The following CRTAC1 variants were observed in gnomAD, a reference collection of about 807,000 sequenced individuals.
The protein encoded by CRTAC1 is acidic secreted protein in cartilage.
A neutral mutation model predicts 67.8 loss-of-function variants in CRTAC1; 37 were observed. The ratio of observed to expected loss-of-function variants is 0.55; its 90% CI spans 0.42 to 0.72. The LOEUF (loss-of-function observed/expected upper bound fraction) is 0.72, where lower values mean the gene tolerates loss of function less well. Ranked by LOEUF, CRTAC1 falls within the 30% of genes least tolerant of loss-of-function variation. The pLI, the probability that CRTAC1 is intolerant of heterozygous loss-of-function variation, is 0.00. For missense variants in CRTAC1, 780 were observed against 931.6 expected, an observed-to-expected ratio of 0.84 and a Z score of 2.12; for synonymous variants, 348 against 371.0, an observed-to-expected ratio of 0.94 and a Z score of 0.71.
At chr10:98,005,471 A>G (rs1177872880) in intron 2 of CRTAC1, among the ~76,000 whole-genome samples, 1 of 152,026 alleles carries the variant, frequency 6.6e-6, no homozygotes, top group Non-Finnish European at 1.5e-5. Flanking sequence ...TTTTAAGATA[A>G]TATCAAAACT....
chr10:97,999,491 G>T (rs760745122), intron 2 of CRTAC1, among the ~76,000 whole-genome samples: 1 of 152,228 alleles, frequency 6.6e-6, no homozygotes, highest in Non-Finnish European at 1.5e-5. Flanking sequence ...GACTTTGGGT[G>T]CCAATGAGCA....
chr10:97,882,134 G>A (rs1321143800), intron 13 of CRTAC1, among the ~76,000 whole-genome samples: 1 of 152,234 alleles, frequency 6.6e-6, no homozygotes. Flanking sequence ...TGCTGGATGA[G>A]GGTTCAAGGA....
At chr10:97,945,807 T>C (rs1396761929) in intron 2 of CRTAC1, among the ~76,000 whole-genome samples, 8 of 152,322 alleles carry the variant, frequency 5.3e-5, no homozygotes, top group Admixed American at 6.5e-5. Flanking sequence ...AAGGGGCAGA[T>C]GGTTTTTCAA....
chr10:97,922,476 C>G (rs1055300367), intron 4 of CRTAC1, among the ~76,000 whole-genome samples: 4 of 152,194 alleles, frequency 2.6e-5, no homozygotes, highest in African/African-American at 9.7e-5. Context: ...AGCAGCTGGG[C>G]CCCTGATTTA....
At chr10:97,914,495 G>C (rs2050731512) in intron 5 of CRTAC1, among the ~76,000 whole-genome samples, 1 of 152,208 alleles carries the variant, frequency 6.6e-6, no homozygotes, top group East Asian at 1.9e-4. Context: ...CTGAGGCTGG[G>C]AGAATAGTTT....
chr10:97,879,854 T>C (rs879349861), intron 14 of CRTAC1: 8 of 207,400 alleles, frequency 3.9e-5, no homozygotes, highest in South Asian at 9.0e-5. Flanking sequence ...AGAAAGGGGG[T>C]GGGGACGGGG....
chr10:97,922,698 C>G (rs2136595463), intron 4 of CRTAC1, among the ~76,000 whole-genome samples: 1 of 152,350 alleles, frequency 6.6e-6, no homozygotes, highest in Non-Finnish European at 1.5e-5. Flanking sequence ...GGTGGGGCAC[C>G]TCTGTGTAGG....
chr10:97,865,750 C>G (rs1047629307), intron 14 of CRTAC1, 36 bp from the exon 15 acceptor site: 2 of 1,544,670 alleles, frequency 1.3e-6, no homozygotes, highest in Non-Finnish European at 1.7e-6. Flanking sequence ...GAGGGCCTTG[C>G]AGACCTGCGG....
chr10:97,880,257 G>A lies in CRTAC1; in HGVS notation c.1811C>T (p.Ala604Val). 1 of 1,614,172 alleles carries A rather than the reference G, an allele frequency of 6.2e-7. No individual in the cohort carries two copies. Among genetic ancestry groups the A allele is most frequent in the Non-Finnish European group, 8.5e-7 (1 of 1,180,010 alleles). Residue 604 changes from alanine (A) to valine (V), a missense_variant, in exon 14 of 15, where the codon GCC (alanine) becomes GTC (valine). Physicochemically the swap from Ala to Val is moderately conservative, Grantham distance 64. Coordinates refer to ENST00000370597, the MANE Select transcript of CRTAC1 (RefSeq NM_018058.7). ...GCTGGGGCCCCACTCACCCACGCAG[G>A]CTGTGCCATCCTCGTTGGGCTCGTA... is the stretch of plus-strand genomic sequence containing the variant. ...RGYEPNEDGT[A>V]CVGTLGQSPG...
chr10:97,995,924 G>T (rs1337526550), intron 2 of CRTAC1, among the ~76,000 whole-genome samples: 3 of 152,112 alleles, frequency 2.0e-5, no homozygotes, highest in Non-Finnish European at 4.4e-5. Flanking sequence ...ATTTTGGGGG[G>T]CTGAGGTGGG....
At chr10:97,963,838 C>T (rs1041711144) in intron 2 of CRTAC1, among the ~76,000 whole-genome samples, 1 of 152,120 alleles carries the variant, frequency 6.6e-6, no homozygotes, top group Non-Finnish European at 1.5e-5. Flanking sequence ...TAGGTCGTTG[C>T]CTTTTACAGA....
chr10:98,016,490 A>T (rs1437039764), intron 1 of CRTAC1, among the ~76,000 whole-genome samples: 1 of 152,078 alleles, frequency 6.6e-6, no homozygotes, highest in African/African-American at 2.4e-5. Context: ...ACAGATTCGG[A>T]TTTGGTAGGT....
In CRTAC1 at chr10:97,983,778, A is replaced by G. The variant is rs569302588; in HGVS notation, c.224+27360T>C. 7.2e-5 allele frequency among the ~76,000 whole-genome samples: 11 copies of G among 152,328 alleles called. No homozygotes were observed. In the South Asian group the frequency reaches 2.1e-3, roughly 29 times the overall value. On this transcript the variant is annotated intron_variant, in intron 2 of 14. Transcript: ENST00000370597. ...TGTGTGTGGGTGTGGCCGGGTGACC[A>G]TATCAAGATGCGGGTGAAGTAGGGT...
chr10:97,905,570 A>G (rs1039826016), intron 6 of CRTAC1, among the ~76,000 whole-genome samples: 2 of 152,176 alleles, frequency 1.3e-5, no homozygotes, highest in African/African-American at 4.8e-5. Context: ...TTGACTTGTT[A>G]GGGTCCGGTT....
chr10:98,016,328 T>A (rs1008907396), intron 1 of CRTAC1, among the ~76,000 whole-genome samples: 11 of 152,184 alleles, frequency 7.2e-5, no homozygotes, highest in African/African-American at 2.7e-4. Flanking sequence ...ATGTGTTAAG[T>A]AAGCGCGGGA....
At chr10:98,000,136 C>T (rs537687056) in intron 2 of CRTAC1, among the ~76,000 whole-genome samples, 69 of 152,296 alleles carry the variant, frequency 4.5e-4, no homozygotes, top group Non-Finnish European at 8.4e-4. Flanking sequence ...CCTCATTCTT[C>T]GGGGTTGCAG....
intron 5 of CRTAC1, among the ~76,000 whole-genome samples, chr10:97,910,300 T>C (rs183936798): frequency 4.1e-4 from 62 of 152,354 alleles, no homozygotes; most frequent in Admixed American, 3.7e-3. Context: ...CATCATGTTG[T>C]ACGATGAGCT....
At chr10:97,962,315 G>A (rs2051539115) in intron 2 of CRTAC1, among the ~76,000 whole-genome samples, 1 of 115,604 alleles carries the variant, frequency 8.7e-6, no homozygotes, top group Non-Finnish European at 1.8e-5. Flanking sequence ...CAGAAAACAG[G>A]ACACTGCGTC....
At chr10:97,939,918 A>T (rs187110129) in intron 2 of CRTAC1, among the ~76,000 whole-genome samples, 1 of 152,264 alleles carries the variant, frequency 6.6e-6, no homozygotes, top group East Asian at 1.9e-4. Context: ...TTGTGTTCCA[A>T]CATCACTTTC....
Sources: allele counts gnomAD v4.1 joint callset (sites outside exome capture counted in the v4.1 genomes callset), GRCh38; gene constraint gnomAD v4.1.1; transcripts MANE v1.5; gene names NCBI Gene and HGNC (gene_info 2026-07-23, HGNC 2026-07-21).